Variants in BMP2K observed in about 807,000 individuals in gnomAD.
The protein encoded by BMP2K is BMP2 inducible kinase.
A neutral mutation model predicts 116.0 loss-of-function variants in BMP2K; 74 were observed. The ratio of observed to expected loss-of-function variants is 0.64; its 90% CI spans 0.53 to 0.77. BMP2K has a LOEUF of 0.77. Among genes scored for constraint, BMP2K ranks in the 30% least tolerant of loss-of-function variants. The probability of loss-of-function intolerance (pLI) is 0.00; values close to 1 mark genes in which losing one functional copy is unlikely to be tolerated. For missense variants in BMP2K, 1,365 were observed against 1,403.6 expected, an observed-to-expected ratio of 0.97 and a Z score of 0.44; for synonymous variants, 486 against 502.5, an observed-to-expected ratio of 0.97 and a Z score of 0.44.
At position 78,776,638 on chromosome 4, in the gene BMP2K, G is replaced by GCGGCTC; in HGVS notation, c.100_105dup (p.Ser34_Gly35dup). 8.2e-7 allele frequency: 1 copy of GCGGCTC among 1,217,536 alleles called. No individual in the cohort carries two copies. The highest frequency in any genetic ancestry group is 3.2e-4 in the Middle Eastern group (1 of 3,108). The allele number at this position is 1,217,536 out of a possible 1,614,324, so 75.4% of individuals were successfully genotyped here. On this transcript the variant is annotated inframe_insertion, in exon 1 of 16. Transcript: ENST00000502613. ...GGCGGGGCCGGGGCCGGGGCCGGCT[G>GCGGCTC]CGGCTCCGGCGGCTCGTCCGTGGGG...
At chr4:78,812,049 C>A (rs2095056542) in intron 1 of BMP2K, among the ~76,000 whole-genome samples, 1 of 152,102 alleles carries the variant, frequency 6.6e-6, no homozygotes, top group African/African-American at 2.4e-5. Flanking sequence ...ACTCGGCTTA[C>A]TGCAACCTCC....
At chr4:78,859,434 ATT>A in intron 7 of BMP2K, 148 bp from the exon 8 acceptor site, 2 of 495,800 alleles carry the variant, frequency 4.0e-6, no homozygotes, top group Non-Finnish European at 6.9e-6. Flanking sequence ...CAATTTCTGC[ATT>A]TTCTGTAGGC....
intron 1 of BMP2K, among the ~76,000 whole-genome samples, chr4:78,825,505 T>C (rs1257077590): frequency 6.6e-6 from 1 of 152,242 alleles, no homozygotes; most frequent in African/African-American, 2.4e-5. Flanking sequence ...TGACTTTACA[T>C]GTTCAATTAG....
intron 1 of BMP2K, among the ~76,000 whole-genome samples, chr4:78,783,888 G>A (rs1319033231): frequency 1.3e-5 from 2 of 152,064 alleles, no homozygotes; most frequent in Non-Finnish European, 2.9e-5. Flanking sequence ...TTTGCTTTTA[G>A]GCTGTAGTCA....
intron 10 of BMP2K, among the ~76,000 whole-genome samples, chr4:78,867,112 CA>C (rs1732091637): frequency 1.3e-5 from 2 of 149,404 alleles, no homozygotes; most frequent in African/African-American, 5.0e-5. Context: ...ATGGAGATTG[CA>C]GTGAGCCAAG....
intron 1 of BMP2K, among the ~76,000 whole-genome samples, chr4:78,809,053 A>G (rs548907184): frequency 6.6e-6 from 1 of 152,310 alleles, no homozygotes; most frequent in South Asian, 2.1e-4. Context: ...GGAGTATTGA[A>G]TTCTCCAACT....
chr4:78,827,785 CA>C (rs80307228), intron 2 of BMP2K, among the ~76,000 whole-genome samples: 9,465 of 152,066 alleles, frequency 0.062, 404 homozygotes, highest in East Asian at 0.22. Flanking sequence ...CAAAACAAAA[CA>C]AAAAAACTGC....
intron 1 of BMP2K, among the ~76,000 whole-genome samples, chr4:78,811,714 C>A (rs1729098894): frequency 6.6e-6 from 1 of 152,176 alleles, no homozygotes; most frequent in South Asian, 2.1e-4. Context: ...CTATTTTTAT[C>A]CATTTATAAA....
intron 13 of BMP2K, among the ~76,000 whole-genome samples, chr4:78,875,358 T>C (rs1732581772): frequency 6.6e-6 from 1 of 152,222 alleles, no homozygotes; most frequent in Non-Finnish European, 1.5e-5. Context: ...ACTATCTTTG[T>C]TGGAATAATT....
At chr4:78,789,998 A>C (rs2109931458) in intron 1 of BMP2K, among the ~76,000 whole-genome samples, 1 of 152,340 alleles carries the variant, frequency 6.6e-6, no homozygotes, top group East Asian at 1.9e-4. Context: ...GTGGTGTTCA[A>C]AGTAAAAAGA....
intron 12 of BMP2K, among the ~76,000 whole-genome samples, chr4:78,872,152 C>T (rs1011879601): frequency 2.0e-5 from 3 of 151,960 alleles, no homozygotes; most frequent in African/African-American, 7.2e-5. Context: ...AGTAATTGAC[C>T]GATAACGTAC....
rs183533988 is a variant in BMP2K at position 78,842,633 on chromosome 4, C to T, written c.546+106C>T. On this transcript the variant is annotated intron_variant, in intron 4 of 15. Coordinates refer to ENST00000502613, the MANE Select transcript of BMP2K (RefSeq NM_198892.2). The stretch of plus-strand genomic sequence containing the variant: ...TAAAAACTGGCTTTGAGGTTGGTCT[C>T]TCTCTCCCCTTCTACATTTCCTGAG... 3.7e-5 allele frequency: 36 copies of T among 967,156 alleles called. No individual in the cohort carries two copies. In the East Asian group the frequency reaches 9.8e-4, roughly 26 times the overall value. The allele number at this position is 967,156 out of a possible 1,614,324, so 59.9% of individuals were successfully genotyped here.
Position 78,911,759 on chromosome 4 carries a change from C to T in BMP2K, c.3212C>T (p.Ala1071Val). The T allele has an allele frequency of 6.2e-7, 1 of 1,613,990 alleles. No homozygotes were observed. Among genetic ancestry groups the T allele is most frequent in the African/African-American group, 1.3e-5 (1 of 75,040 alleles). Residue 1071 changes from alanine to valine, a missense_variant, in exon 16 of 16, where the codon GCC (alanine) becomes GTC (valine). Transcript: ENST00000502613. ...GAGAGCCTGTTGGACCCCTTCGGTGCCAAGCCCTTCCATTCTCCAGACCTG... is the reference window on the plus strand; with the variant it reads ...GAGAGCCTGTTGGACCCCTTCGGTGTCAAGCCCTTCCATTCTCCAGACCTG... ...PEESLLDPFG[A>V]KPFHSPDLSW... is the part of the protein sequence containing the mutation.
At position 78,837,343 on chromosome 4, in the gene BMP2K, C is replaced by T. The variant is rs1415483852; in HGVS notation, c.403+3656C>T. Among the ~76,000 whole-genome samples the T allele has an allele frequency of 3.9e-5, 6 of 152,118 alleles. No individual in the cohort carries two copies. In the South Asian group the frequency reaches 1.2e-3, roughly 32 times the overall value. On this transcript the variant is annotated intron_variant, in intron 3 of 15. Transcript: ENST00000502613. ...TTGAGTAGCTGGGATTACAGGTGTG[C>T]ACCACCACATCTGACTAATTTTTGT...
chr4:78,829,109 C>T (rs1175639009), intron 2 of BMP2K, among the ~76,000 whole-genome samples: 2 of 152,182 alleles, frequency 1.3e-5, no homozygotes, highest in Non-Finnish European at 2.9e-5. Flanking sequence ...TTGACTTTTC[C>T]TTTCATGAAA....
intron 15 of BMP2K, among the ~76,000 whole-genome samples, chr4:78,889,988 G>C (rs2110078831): frequency 6.6e-6 from 1 of 152,232 alleles, no homozygotes; most frequent in East Asian, 1.9e-4. Context: ...ATTAGGAATT[G>C]TGCTCTTTTT....
chr4:78,853,906 T>A (rs1731376497), intron 7 of BMP2K, among the ~76,000 whole-genome samples: 1 of 152,148 alleles, frequency 6.6e-6, no homozygotes, highest in South Asian at 2.1e-4. Context: ...TTACAATTCT[T>A]CATCTAACTT....
intron 1 of BMP2K, among the ~76,000 whole-genome samples, chr4:78,819,191 ATAAAAG>A (rs1282758434): frequency 6.6e-6 from 1 of 152,174 alleles, no homozygotes; most frequent in African/African-American, 2.4e-5. Context: ...GGGGTCAGAC[ATAAAAG>A]TAATAGTAAG....
At chr4:78,841,300 T>C (rs1436152508) in intron 3 of BMP2K, among the ~76,000 whole-genome samples, 1 of 152,218 alleles carries the variant, frequency 6.6e-6, no homozygotes, top group African/African-American at 2.4e-5. Context: ...TTATGTTTTT[T>C]TGAATTCCCA....
Sources: gnomAD v4.1 joint callset for allele counts (sites outside exome capture counted in the v4.1 genomes callset) on GRCh38, gnomAD v4.1.1 for gene constraint, MANE v1.5 for transcripts, NCBI Gene and HGNC (gene_info 2026-07-23, HGNC 2026-07-21) for gene names.